ANK2: variants seen among roughly 807,000 people sequenced by gnomAD.
ANK2 encodes ankyrin-2.
A neutral mutation model predicts 360.5 loss-of-function variants in ANK2; 83 were observed. That is an observed-to-expected ratio of 0.23 (90% CI 0.19 to 0.28). ANK2 has a LOEUF of 0.28. ANK2 is among the 10% of genes least tolerant of loss of function. The pLI is 1.00. For synonymous variants in ANK2, 1,740 were observed against 1,759.5 expected (o/e 0.99, Z 0.28); for missense variants, 4,201 against 4,795.7 (o/e 0.88, Z 3.66).
At chr4:113,140,973 C>T (rs866837524) in intron 1 of ANK2, among the ~76,000 whole-genome samples, 3 of 150,324 alleles carry the variant, frequency 2.0e-5, no homozygotes, top group African/African-American at 7.4e-5. Flanking sequence ...AGTGAAACTC[C>T]GTTTAAAAAA....
In ANK2 at chr4:113,302,252, A is replaced by C. The variant is rs201918569; in HGVS notation, c.2476-515A>C. On this transcript the variant is annotated intron_variant, in intron 22 of 45. Coordinates refer to ENST00000357077, the MANE Select transcript of ANK2 (RefSeq NM_001148.6). ...AAGCAACAAACCAGAACTGTAGCCC[A>C]GTGAAATATTAAAGAGATGATTTGA... is the stretch of plus-strand genomic sequence containing the variant. Among the ~76,000 whole-genome samples the C allele has an allele frequency of 3.9e-5, 6 of 152,370 alleles. No individual in the cohort carries two copies. In the East Asian group the frequency reaches 1.2e-3, roughly 29 times the overall value.
intron 1 of ANK2, among the ~76,000 whole-genome samples, chr4:112,842,133 C>T (rs1040522322): frequency 2.0e-5 from 3 of 152,040 alleles, no homozygotes; most frequent in African/African-American, 4.8e-5. Context: ...CCTCAGCCTC[C>T]CCAGTAGCTG....
intron 1 of ANK2, among the ~76,000 whole-genome samples, chr4:112,903,791 A>G (rs2084263043): frequency 6.6e-6 from 1 of 152,346 alleles, no homozygotes; most frequent in Admixed American, 6.5e-5. Context: ...TCTGTGATGC[A>G]TGTATCCTGG....
intron 2 of ANK2, among the ~76,000 whole-genome samples, chr4:113,003,836 C>T (rs546299482): frequency 2.0e-5 from 3 of 152,330 alleles, no homozygotes; most frequent in African/African-American, 7.2e-5. Flanking sequence ...GGTATATTGC[C>T]TACAACATGC....
At chr4:113,047,507 A>C (rs758833217), upstream of ANK2, among the ~76,000 whole-genome samples, 3 of 152,116 alleles carry the variant, frequency 2.0e-5, no homozygotes, top group Non-Finnish European at 4.4e-5. Flanking sequence ...GCTGCTCCCA[A>C]GAAAGGTCAA....
intron 1 of ANK2, among the ~76,000 whole-genome samples, chr4:113,118,810 G>A (rs2095103508): frequency 6.6e-6 from 1 of 152,116 alleles, no homozygotes; most frequent in African/African-American, 2.4e-5. Context: ...AGAATTTTCT[G>A]TGATTATATC....
At chr4:113,328,023 C>G (rs1272587178) in intron 26 of ANK2, among the ~76,000 whole-genome samples, 2 of 152,130 alleles carry the variant, frequency 1.3e-5, no homozygotes, top group Non-Finnish European at 2.9e-5. Context: ...AATGGGCCAC[C>G]AGAAGATACT....
At position 113,153,193 on chromosome 4, in the gene ANK2, A is replaced by G. The variant is rs1385660; in HGVS notation, c.85-21223A>G. ...TGTTTGATACTGTAGGAATTTCCAT[A>G]TTCTAGTACAGCAACTCTATTAAAT... On this transcript the variant is annotated intron_variant, in intron 1 of 45. Coordinates refer to ENST00000357077, the MANE Select transcript of ANK2 (RefSeq NM_001148.6). Among the ~76,000 whole-genome samples the G allele has an allele frequency of 6.6e-5, 10 of 151,996 alleles. No homozygotes were observed. The East Asian group carries it at 1.9e-3, about 29-fold the overall frequency.
chr4:113,374,927 C>A, intron 45 of ANK2: 1 of 1,214,640 alleles, frequency 8.2e-7, no homozygotes. Context: ...CTTCCTTCAG[C>A]CAAAGATGAC....
chr4:112,800,139 G>C, the ANK2 span, among the ~76,000 whole-genome samples: 1 of 152,196 alleles, frequency 6.6e-6, no homozygotes, highest in African/African-American at 2.4e-5. Context: ...AAAATGTGGA[G>C]TCACGACAAA....
Position 113,299,942 on chromosome 4 carries a change from A to G in ANK2, c.2476-2825A>G, listed in dbSNP as rs151159888. ...TTTAATTGGTCTATGATGGGACCCA[A>G]GCAACAATATTTTTTAAATGTTTCT... is the stretch of plus-strand genomic sequence containing the variant. On this transcript the variant is annotated intron_variant, in intron 22 of 45. Coordinates refer to ENST00000357077, the MANE Select transcript of ANK2 (RefSeq NM_001148.6). Among the ~76,000 whole-genome samples, 227 of 152,228 alleles carry G rather than the reference A, an allele frequency of 1.5e-3. 2 individuals carry two copies. The highest frequency in any genetic ancestry group is 5.4e-3 in the African/African-American group (224 of 41,556).
chr4:113,305,356 AAAAT>A, intron 23 of ANK2, among the ~76,000 whole-genome samples: 1 of 151,408 alleles, frequency 6.6e-6, no homozygotes, highest in African/African-American at 2.4e-5. Flanking sequence ...AAAAAAAAAA[AAAAT>A]AGCCTCTCAG....
At chr4:112,747,787 C>T in the ANK2 span, among the ~76,000 whole-genome samples, 1 of 151,986 alleles carries the variant, frequency 6.6e-6, no homozygotes, top group South Asian at 2.1e-4. Context: ...AGACTTTAAC[C>T]CTCCAGTCTC....
intron 1 of ANK2, among the ~76,000 whole-genome samples, chr4:113,166,674 C>A (rs964528110): frequency 1.3e-5 from 2 of 151,566 alleles, no homozygotes; most frequent in Non-Finnish European, 2.9e-5. Flanking sequence ...TATTTTGATT[C>A]AATTTTCAGA....
rs528993989 is a variant in ANK2, at chr4:113,184,098, A to C, written c.186+9581A>C. Among the ~76,000 whole-genome samples the C allele has an allele frequency of 2.0e-5, 3 of 146,432 alleles. No individual in the cohort carries two copies. In the South Asian group the frequency reaches 6.4e-4, roughly 31 times the overall value. ...TGCATCACTTGAGTAGACTTCAGGGAAGCAGTGTCTTTGGATTCTAGTTAG... is the reference window on the plus strand; with the variant it reads ...TGCATCACTTGAGTAGACTTCAGGGCAGCAGTGTCTTTGGATTCTAGTTAG... On this transcript the variant is annotated intron_variant, in intron 2 of 45. Transcript: ENST00000357077.
intron 1 of ANK2, among the ~76,000 whole-genome samples, chr4:113,157,572 G>A (rs1349094416): frequency 5.3e-5 from 8 of 152,166 alleles, no homozygotes; most frequent in Admixed American, 2.0e-4. Flanking sequence ...TATTCCACAG[G>A]TGGCAATGCC....
At chr4:112,904,212 T>C (rs1561030901) in intron 1 of ANK2, among the ~76,000 whole-genome samples, 1 of 152,206 alleles carries the variant, frequency 6.6e-6, no homozygotes. Context: ...TCTATTTCTC[T>C]TACAGATTAA....
intron 2 of ANK2, among the ~76,000 whole-genome samples, chr4:112,944,155 A>C (rs947780777): frequency 2.6e-5 from 4 of 152,128 alleles, no homozygotes; most frequent in African/African-American, 9.7e-5. Context: ...CAAGCCTTTC[A>C]CTTATTGTTC....
intron 1 of ANK2, among the ~76,000 whole-genome samples, chr4:112,903,214 G>A (rs1328220608): frequency 2.0e-5 from 3 of 152,226 alleles, no homozygotes; most frequent in African/African-American, 4.8e-5. Flanking sequence ...TCTCTGACGA[G>A]TTTCCAGGTG....
Sources: gnomAD v4.1 joint callset for allele counts (sites outside exome capture counted in the v4.1 genomes callset) on GRCh38, gnomAD v4.1.1 for gene constraint, MANE v1.5 for transcripts, NCBI Gene and HGNC (gene_info 2026-07-23, HGNC 2026-07-21) for gene names.